Variants in CTNND2 observed in about 807,000 individuals in gnomAD.
CTNND2 encodes catenin delta 2, also known as catenin delta-2.
In CTNND2, 22 loss-of-function variants were observed where a neutral mutation model predicts 144.4. That is an observed-to-expected ratio of 0.15 (90% CI 0.11 to 0.22). The LOEUF (loss-of-function observed/expected upper bound fraction) is 0.22. Among genes scored for constraint, CTNND2 ranks in the 10% least tolerant of loss-of-function variants. The probability of loss-of-function intolerance (pLI) is 1.00; values close to 1 mark genes in which losing one functional copy is unlikely to be tolerated. For synonymous variants in CTNND2, 751 were observed against 695.6 expected (o/e 1.08, Z -1.25); for missense variants, 1,353 against 1,618.8 (o/e 0.84, Z 2.82).
intron 9 of CTNND2, among the ~76,000 whole-genome samples, chr5:11,317,176 C>G (rs967519667): frequency 2.0e-5 from 3 of 152,316 alleles, no homozygotes; most frequent in Middle Eastern, 3.4e-3. Context: ...ATTTTATCCG[C>G]ATCTTACAGG....
At chr5:11,271,762 G>A (rs951802724) in intron 9 of CTNND2, among the ~76,000 whole-genome samples, 4 of 152,150 alleles carry the variant, frequency 2.6e-5, no homozygotes, top group Admixed American at 6.6e-5. Context: ...CCTCACCAAG[G>A]ACTGGCTGAA....
At chr5:11,155,676 C>T (rs1398409092) in intron 12 of CTNND2, among the ~76,000 whole-genome samples, 1 of 152,056 alleles carries the variant, frequency 6.6e-6, no homozygotes, top group African/African-American at 2.4e-5. Flanking sequence ...ATCTAGCTGC[C>T]ATCATCCTTA....
intron 3 of CTNND2, among the ~76,000 whole-genome samples, chr5:11,462,991 C>T (rs191676754): frequency 3.5e-4 from 53 of 152,288 alleles, no homozygotes; most frequent in African/African-American, 1.1e-3. Flanking sequence ...CAATCTTAGT[C>T]CTGCATTTAA....
intron 18 of CTNND2, among the ~76,000 whole-genome samples, chr5:10,995,203 A>T (rs1373857932): frequency 6.6e-6 from 1 of 152,220 alleles, no homozygotes; most frequent in East Asian, 1.9e-4. Context: ...AATGCAAATA[A>T]AGAAAAGCAG....
intron 3 of CTNND2, among the ~76,000 whole-genome samples, chr5:11,431,761 A>T (rs1763307446): frequency 6.6e-6 from 1 of 152,074 alleles, no homozygotes; most frequent in Non-Finnish European, 1.5e-5. Flanking sequence ...GGAGTAAAAG[A>T]ACCACCCAGA....
chr5:11,054,046 A>G (rs1746109662), intron 16 of CTNND2, among the ~76,000 whole-genome samples: 1 of 152,258 alleles, frequency 6.6e-6, no homozygotes, highest in Non-Finnish European at 1.5e-5. Context: ...GGCTGGAGAT[A>G]ACTTTAAATA....
At chr5:11,267,413 C>T (rs1234792771) in intron 9 of CTNND2, among the ~76,000 whole-genome samples, 1 of 152,218 alleles carries the variant, frequency 6.6e-6, no homozygotes, top group Admixed American at 6.5e-5. Flanking sequence ...GGATCTGCCT[C>T]TCCAGGGGAA....
chr5:11,272,219 G>A (rs1324086931), intron 9 of CTNND2, among the ~76,000 whole-genome samples: 2 of 152,034 alleles, frequency 1.3e-5, no homozygotes, highest in African/African-American at 2.4e-5. Context: ...ATAGAATTCT[G>A]TCCTTTCTTC....
intron 2 of CTNND2, among the ~76,000 whole-genome samples, chr5:11,574,984 C>G (rs910358080): frequency 1.3e-5 from 2 of 152,138 alleles, no homozygotes; most frequent in Non-Finnish European, 2.9e-5. Flanking sequence ...TCAAGTCTAG[C>G]AAAAATGCCT....
intron 9 of CTNND2, among the ~76,000 whole-genome samples, chr5:11,289,894 A>G (rs1392426880): frequency 1.3e-5 from 2 of 152,146 alleles, no homozygotes; most frequent in East Asian, 3.9e-4. Context: ...GGCTCCCATG[A>G]GCTCGGCTGG....
chr5:11,619,325 T>C (rs1780725425), intron 2 of CTNND2, among the ~76,000 whole-genome samples: 1 of 152,184 alleles, frequency 6.6e-6, no homozygotes, highest in Non-Finnish European at 1.5e-5. Context: ...TGAGAATCAC[T>C]TGAACCCGGC....
chr5:11,088,985 G>C (rs1179244198), intron 15 of CTNND2, among the ~76,000 whole-genome samples: 1 of 152,164 alleles, frequency 6.6e-6, no homozygotes, highest in Non-Finnish European at 1.5e-5. Context: ...ATAGAGCTGT[G>C]ATCTTGACTT....
chr5:10,984,790 G>C (rs1007253664), intron 20 of CTNND2, among the ~76,000 whole-genome samples: 3 of 152,180 alleles, frequency 2.0e-5, no homozygotes, highest in Non-Finnish European at 4.4e-5. Flanking sequence ...AAAGGCATAA[G>C]AGGCCGGGTG....
chr5:11,393,189 TTTTG>T (rs930020863), intron 6 of CTNND2, among the ~76,000 whole-genome samples: 1 of 152,242 alleles, frequency 6.6e-6, no homozygotes, highest in Non-Finnish European at 1.5e-5. Context: ...GAAATGGAAA[TTTTG>T]TTTCTCAAAA....
At chr5:11,130,235 C>T (rs573798010) in intron 12 of CTNND2, among the ~76,000 whole-genome samples, 12 of 151,722 alleles carry the variant, frequency 7.9e-5, no homozygotes, top group Middle Eastern at 3.4e-3. Flanking sequence ...GTGCCCAAAG[C>T]GGTGGTTGCT....
chr5:11,722,513 T>C (rs1324829924), intron 2 of CTNND2, among the ~76,000 whole-genome samples: 1 of 152,214 alleles, frequency 6.6e-6, no homozygotes, highest in Non-Finnish European at 1.5e-5. Context: ...TATGAAGAAA[T>C]ACCTGAGACT....
chr5:11,675,189 A>G (rs1279152487), intron 2 of CTNND2, among the ~76,000 whole-genome samples: 1 of 152,200 alleles, frequency 6.6e-6, no homozygotes, highest in South Asian at 2.1e-4. Flanking sequence ...AAGGCATTTG[A>G]TATGCAATAT....
intron 18 of CTNND2, among the ~76,000 whole-genome samples, chr5:11,009,224 T>C (rs554744418): frequency 2.6e-5 from 4 of 152,210 alleles, no homozygotes; most frequent in Admixed American, 6.5e-5. Context: ...CCCACCCCAC[T>C]GCCCTCATGA....
chr5:11,877,192 C>T (rs1318913229), intron 1 of CTNND2, among the ~76,000 whole-genome samples: 4 of 152,134 alleles, frequency 2.6e-5, no homozygotes, highest in South Asian at 4.1e-4. Flanking sequence ...TGAAATGTAT[C>T]GTTTTTAAAT....
Sources: gnomAD v4.1 joint callset for allele counts (sites outside exome capture counted in the v4.1 genomes callset) on GRCh38, gnomAD v4.1.1 for gene constraint, MANE v1.5 for transcripts, NCBI Gene and HGNC (gene_info 2026-07-23, HGNC 2026-07-21) for gene names.